Variants in SAMMSON observed in about 807,000 individuals in gnomAD.
SAMMSON encodes the protein survival associated mitochondrial melanoma specific oncogenic non-coding RNA.
chr3:70,346,945 T>A (rs547894121), intron 7 of SAMMSON, among the ~76,000 whole-genome samples: 1 of 152,286 alleles, frequency 6.6e-6, no homozygotes, highest in African/African-American at 2.4e-5. Flanking sequence ...GATCTGGCAA[T>A]GAAACTGATT....
chr3:70,320,758 G>T (rs1702533272), intron 7 of SAMMSON, among the ~76,000 whole-genome samples: 1 of 152,044 alleles, frequency 6.6e-6, no homozygotes, highest in Admixed American at 6.6e-5. Flanking sequence ...CCAAAATTTG[G>T]AATTGGGATG....
At chr3:70,266,078 T>C (rs1212952101) in intron 6 of SAMMSON, among the ~76,000 whole-genome samples, 1 of 152,246 alleles carries the variant, frequency 6.6e-6, no homozygotes, top group Admixed American at 6.5e-5. Context: ...CTTTGTCTTT[T>C]GAGCCAAGTT....
chr3:70,101,017 A>G (rs1238849709), intron 4 of SAMMSON, among the ~76,000 whole-genome samples: 3 of 152,196 alleles, frequency 2.0e-5, no homozygotes, highest in Non-Finnish European at 4.4e-5. Flanking sequence ...CATGTAAATC[A>G]CTATTTTCTC....
intron 4 of SAMMSON, among the ~76,000 whole-genome samples, chr3:70,105,261 C>T (rs528945741): frequency 6.6e-6 from 1 of 152,262 alleles, no homozygotes; most frequent in South Asian, 2.1e-4. Context: ...GCAAAAGAGA[C>T]GTAAAATAGC....
At chr3:70,301,031 C>T (rs547988130) in intron 7 of SAMMSON, among the ~76,000 whole-genome samples, 3 of 152,072 alleles carry the variant, frequency 2.0e-5, no homozygotes, top group East Asian at 1.9e-4. Context: ...TAAGTACCTC[C>T]GCTCTTTATG....
chr3:70,140,397 C>A, intron 4 of SAMMSON: 2 of 199,944 alleles, frequency 1.0e-5, no homozygotes, highest in South Asian at 2.0e-4. Flanking sequence ...TCCTTCCAGT[C>A]ACAAAGAAGA....
chr3:70,126,168 C>A, intron 4 of SAMMSON: 2 of 1,202,936 alleles, frequency 1.7e-6, no homozygotes, highest in Non-Finnish European at 2.4e-6. Context: ...TAAGAAAAGT[C>A]AGCCCATGGT....
At chr3:70,320,608 T>C (rs1702531588) in intron 7 of SAMMSON, among the ~76,000 whole-genome samples, 1 of 152,086 alleles carries the variant, frequency 6.6e-6, no homozygotes, top group African/African-American at 2.4e-5. Flanking sequence ...CTAAACAACC[T>C]TATTTAGAAT....
chr3:70,274,080 TGTGTGTGTGTGC>T (rs1003740783), intron 6 of SAMMSON, among the ~76,000 whole-genome samples: 28 of 149,448 alleles, frequency 1.9e-4, no homozygotes, highest in African/African-American at 5.4e-4. Context: ...TGTGTGTGTG[TGTGTGTGTGTGC>T]GCGCGCGCAT....
chr3:70,433,151 T>C (rs1354019099), intron 2 of SAMMSON, among the ~76,000 whole-genome samples: 1 of 152,112 alleles, frequency 6.6e-6, no homozygotes, highest in Non-Finnish European at 1.5e-5. Context: ...TGGATATAAG[T>C]TTTCAACTCC....
At chr3:70,142,873 C>A (rs1344134480) in intron 4 of SAMMSON, among the ~76,000 whole-genome samples, 2 of 152,198 alleles carry the variant, frequency 1.3e-5, no homozygotes, top group East Asian at 3.9e-4. Context: ...AGTGAAGCAC[C>A]TGTACAAAAG....
At chr3:70,120,170 A>G (rs1576126847) in intron 4 of SAMMSON, 1 of 152,332 alleles carries the variant, frequency 6.6e-6, no homozygotes, top group South Asian at 2.1e-4. Flanking sequence ...AGTACGAAGA[A>G]AACAGTTCAA....
chr3:70,415,073 G>C (rs2106770786), intron 2 of SAMMSON, among the ~76,000 whole-genome samples: 1 of 152,092 alleles, frequency 6.6e-6, no homozygotes, highest in East Asian at 1.9e-4. Context: ...GTAAAATGAG[G>C]GGGGGTCCCA....
intron 6 of SAMMSON, among the ~76,000 whole-genome samples, chr3:70,267,110 G>T (rs904083668): frequency 1.3e-5 from 2 of 152,124 alleles, no homozygotes; most frequent in African/African-American, 4.8e-5. Context: ...TGGGGAGGGG[G>T]TGGGAAGGAG....
intron 3 of SAMMSON, among the ~76,000 whole-genome samples, chr3:70,021,237 A>G (rs1020138445): frequency 6.6e-6 from 1 of 152,192 alleles, no homozygotes; most frequent in African/African-American, 2.4e-5. Context: ...TTCCTGTCAT[A>G]ATTAGTGTAA....
chr3:70,361,064 G>A (rs1190225858), intron 9 of SAMMSON, among the ~76,000 whole-genome samples: 1 of 152,146 alleles, frequency 6.6e-6, no homozygotes, highest in East Asian at 1.9e-4. Flanking sequence ...CTCAGCCTCA[G>A]AGGCCCAAGG....
chr3:70,014,959 T>TTC (rs2066975806), intron 3 of SAMMSON: 1 of 152,130 alleles, frequency 6.6e-6, no homozygotes, highest in Non-Finnish European at 1.5e-5. Flanking sequence ...CAACATAAGT[T>TTC]AAGACAAAAA....
chr3:70,080,053 A>G (rs2067262412), intron 4 of SAMMSON, among the ~76,000 whole-genome samples: 1 of 152,144 alleles, frequency 6.6e-6, no homozygotes, highest in Non-Finnish European at 1.5e-5. Flanking sequence ...GGGATTCTTG[A>G]TTGGCTTTTT....
In SAMMSON at chr3:70,290,354, C is replaced by T. The variant is rs191413453; in HGVS notation, n.675-825C>T. On this transcript the variant is annotated intron_variant and non_coding_transcript_variant, in intron 6 of 9. Coordinates refer to ENST00000642114, the Ensembl canonical transcript of SAMMSON. ...TCAGTGTGCCCCTGTTGGGGGGTGC[C>T]TCCCAGTTAGGCTGCTCGGGGGCCA... Among the ~76,000 whole-genome samples, 6 of 152,304 alleles carry T rather than the reference C, an allele frequency of 3.9e-5. No individual in the cohort carries two copies. In the East Asian group the frequency reaches 1.2e-3, roughly 30 times the overall value.
Sources: gnomAD v4.1 joint callset for allele counts (sites outside exome capture counted in the v4.1 genomes callset) on GRCh38, gnomAD v4.1.1 for gene constraint, MANE v1.5 for transcripts, NCBI Gene and HGNC (gene_info 2026-07-23, HGNC 2026-07-21) for gene names.